STARD9: variants seen among roughly 807,000 people sequenced by gnomAD.
The protein encoded by STARD9 is stAR-related lipid transfer protein 9.
In STARD9, 346 loss-of-function variants were observed where a neutral mutation model predicts 399.8. The observed-to-expected ratio is 0.87, with a 90% CI of 0.79 to 0.95. The LOEUF (loss-of-function observed/expected upper bound fraction) is 0.95, where lower values mean the gene tolerates loss of function less well. Ranked by LOEUF, STARD9 falls within the 40% of genes least tolerant of loss-of-function variation. STARD9 has a pLI of 0.00. For synonymous variants in STARD9, 2,203 were observed against 2,143.5 expected (o/e 1.03, Z -0.77); for missense variants, 5,832 against 5,667.5 (o/e 1.03, Z -0.93).
intron 20 of STARD9, among the ~76,000 whole-genome samples, chr15:42,678,990 C>T (rs16957037): frequency 0.047 from 7,143 of 152,238 alleles, 489 homozygotes; most frequent in African/African-American, 0.16. Flanking sequence ...ATGCAGGAAA[C>T]AATATCATAG....
At chr15:42,614,925 A>G in intron 3 of STARD9, among the ~76,000 whole-genome samples, 1 of 152,032 alleles carries the variant, frequency 6.6e-6, no homozygotes, top group South Asian at 2.1e-4. Flanking sequence ...AGATCGTGTC[A>G]CTGCACTCCA....
Position 42,663,388 on chromosome 15 carries a change from G to C in STARD9, c.976G>C (p.Ala326Pro). The C allele has an allele frequency of 1.3e-6, 2 of 1,537,272 alleles. No homozygotes were observed. The highest frequency in any genetic ancestry group is 1.2e-5 in the South Asian group (1 of 84,062). The change falls in exon 12 of 33, where the codon GCA (alanine) becomes CCA (proline). Residue 326 changes from alanine (A) to proline (P), a missense_variant. Around this residue, in one of 2 missense-constraint regions of STARD9, gnomAD observed 5,828 missense variants for 5,651.1 expected, o/e 1.03. Transcript: ENST00000290607. Reference sequence around the variant, plus strand: ...TCCTTCTGGGACCAGCAGTGGAGGGGCACCCTCCCGAAGGCAGTCTTATAT... The same window carrying C: ...TCCTTCTGGGACCAGCAGTGGAGGGCCACCCTCCCGAAGGCAGTCTTATAT... ...SSPSGTSSGG[A>P]PSRRQSYIPY... is the part of the protein sequence containing the mutation.
At chr15:42,710,156 G>A (rs770627958) in intron 26 of STARD9, among the ~76,000 whole-genome samples, 7 of 151,258 alleles carry the variant, frequency 4.6e-5, no homozygotes, top group Non-Finnish European at 1.0e-4. Context: ...ACCTCCCTGG[G>A]CGCCGGTGAT....
Position 42,692,039 on chromosome 15 carries a change from G to A in STARD9, c.10461G>A (p.Met3487Ile). The A allele has an allele frequency of 6.5e-7, 1 of 1,537,290 alleles. No individual in the cohort carries two copies. Among genetic ancestry groups the A allele is most frequent in the Non-Finnish European group, 8.7e-7 (1 of 1,146,926 alleles). The change falls in exon 23 of 33, where the codon ATG becomes ATA. Residue 3487 changes from methionine to isoleucine, a missense_variant. This residue lies in a region of STARD9 where 5,828 missense variants were observed against 5,651.1 expected (regional missense o/e 1.03). Transcript: ENST00000290607. ...EPARISWKQYMSGSAVDVSCS... is the reference protein window; with the variant it reads ...EPARISWKQYISGSAVDVSCS... ...CACGTATCAGCTGGAAGCAGTATAT[G>A]TCTGGCAGTGCAGTCGATGTTTCCT... is the stretch of plus-strand genomic sequence containing the variant.
chr15:42,686,306 C>A lies in STARD9; in HGVS notation c.4728C>A (p.Phe1576Leu), dbSNP rs1325848841. Residue 1576 changes from phenylalanine (F) to leucine (L), a missense_variant, in exon 23 of 33, where the codon TTC becomes TTA. Phe to Leu is a conservative substitution (Grantham distance 22, BLOSUM62 0). Transcript: ENST00000290607. ...LNAKLEGVSD[F>L]FSTSEKEASY... ...CCAAATTAGAAGGTGTTTCAGATTT[C>A]TTTAGCACTAGTGAGAAAGAGGCGA... is the stretch of plus-strand genomic sequence containing the variant. 1 of 1,537,436 alleles carries A rather than the reference C, an allele frequency of 6.5e-7. No homozygotes were observed. The highest frequency in any genetic ancestry group is 1.2e-5 in the South Asian group (1 of 84,064).
At chr15:42,646,769 GC>G (rs1259568444) in intron 7 of STARD9, among the ~76,000 whole-genome samples, 1 of 152,236 alleles carries the variant, frequency 6.6e-6, no homozygotes. Context: ...CAACTGTTGG[GC>G]GCAAGAGGCC....
intron 26 of STARD9, among the ~76,000 whole-genome samples, chr15:42,707,322 G>T (rs1281409937): frequency 6.6e-6 from 1 of 152,224 alleles, no homozygotes; most frequent in Non-Finnish European, 1.5e-5. Context: ...ATTATTTGAA[G>T]TGGCAATGAG....
rs535188924 is a variant in STARD9, at chr15:42,699,701, TA to T, written c.13284+3822del. 2.0e-5 allele frequency among the ~76,000 whole-genome samples: 3 copies of T among 151,966 alleles called. No homozygotes were observed. In the East Asian group the frequency reaches 5.8e-4, roughly 29 times the overall value. On this transcript the variant is annotated intron_variant, in intron 26 of 32. Coordinates refer to ENST00000290607, the MANE Select transcript of STARD9 (RefSeq NM_020759.3). ...AGCCACCGTGCCTGGCTAACTTTTT[TA>T]TTTTCATTATTTATTTATTTTTGAG...
rs2059411330 is a variant in STARD9, at chr15:42,635,972, G to A, written c.351+1000G>A. 2.0e-5 allele frequency among the ~76,000 whole-genome samples: 3 copies of A among 152,158 alleles called. No homozygotes were observed. The South Asian group carries it at 6.2e-4, about 31-fold the overall frequency. The stretch of plus-strand genomic sequence containing the variant: ...AAATCAGGAGGGCAGAGTTGCTTAA[G>A]AATACCTTTTTGTTTTGGGTTTAGA... On this transcript the variant is annotated intron_variant, in intron 4 of 32. Transcript: ENST00000290607.
chr15:42,604,518 T>C (rs564484166), intron 3 of STARD9, among the ~76,000 whole-genome samples: 42 of 151,996 alleles, frequency 2.8e-4, no homozygotes, highest in African/African-American at 8.9e-4. Context: ...GTAAATGTTA[T>C]CATATTTTAA....
intron 16 of STARD9, 127 bp downstream of exon 16, chr15:42,669,464 A>G (rs1039450572): frequency 7.0e-6 from 6 of 860,254 alleles, no homozygotes; most frequent in African/African-American, 3.4e-5. Flanking sequence ...AGCTGCCTTC[A>G]GGTTTGCTCT....
At chr15:42,682,798 A>G (rs550033754) in intron 22 of STARD9, among the ~76,000 whole-genome samples, 1 of 152,194 alleles carries the variant, frequency 6.6e-6, no homozygotes, top group African/African-American at 2.4e-5. Flanking sequence ...CCCCCTGAGT[A>G]GCAATTCTTG....
intron 3 of STARD9, among the ~76,000 whole-genome samples, chr15:42,631,062 C>G (rs986781158): frequency 4.6e-5 from 7 of 151,300 alleles, no homozygotes; most frequent in African/African-American, 1.5e-4. Context: ...CCAGGCTAGT[C>G]TTGAACTCCT....
Position 42,669,253 on chromosome 15 carries a change from G to A in STARD9, c.1413G>A (p.Gly471=). ...TGGACATCAACAGGAGGAGGGCTGG[G>A]GTGGTCATCGACTCCAGCCTGCCAC... is the stretch of plus-strand genomic sequence containing the variant. ...YSVDINRRRA[G]VVIDSSLPHL... Residue 471 remains glycine, a synonymous_variant, in exon 16 of 33, where the codon GGG becomes GGA. Coordinates refer to ENST00000290607, the MANE Select transcript of STARD9 (RefSeq NM_020759.3). 6.5e-7 allele frequency: 1 copy of A among 1,537,092 alleles called. No individual in the cohort carries two copies. The highest frequency in any genetic ancestry group is 8.7e-7 in the Non-Finnish European group (1 of 1,146,760).
intron 1 of STARD9, among the ~76,000 whole-genome samples, chr15:42,577,192 C>T (rs1047483441): frequency 5.3e-5 from 8 of 151,398 alleles, no homozygotes; most frequent in Admixed American, 3.3e-4. Context: ...CTCGCTCTGT[C>T]GCCCAGGCTG....
chr15:42,593,370 G>C (rs2058437816), intron 3 of STARD9, among the ~76,000 whole-genome samples: 1 of 152,168 alleles, frequency 6.6e-6, no homozygotes, highest in African/African-American at 2.4e-5. Context: ...TATTAGCTCA[G>C]CTTTACCCAC....
chr15:42,629,853 T>C (rs2059294230), intron 3 of STARD9: 1 of 152,132 alleles, frequency 6.6e-6, no homozygotes, highest in Admixed American at 6.6e-5. Context: ...TATCAAATGC[T>C]TTTTCAACAA....
At chr15:42,671,902 A>G (rs536972307) in intron 16 of STARD9, 66 of 152,262 alleles carry the variant, frequency 4.3e-4, no homozygotes, top group African/African-American at 1.4e-3. Flanking sequence ...TTGGTCTCCT[A>G]AAGTTCTGGG....
intron 3 of STARD9, among the ~76,000 whole-genome samples, chr15:42,633,729 G>A (rs536051512): frequency 1.3e-5 from 2 of 149,750 alleles, no homozygotes; most frequent in South Asian, 2.1e-4. Flanking sequence ...TTGCACTTCC[G>A]CTTCCTGGGT....
Sources: gnomAD v4.1 joint callset for allele counts (sites outside exome capture counted in the v4.1 genomes callset) on GRCh38, gnomAD v4.1.1 for gene constraint, gnomAD v4.1.1 regional missense constraint, MANE v1.5 for transcripts, NCBI Gene and HGNC (gene_info 2026-07-23, HGNC 2026-07-21) for gene names.